CENPE: variants seen among roughly 807,000 people sequenced by gnomAD.
CENPE encodes centromere-associated protein E.
A neutral mutation model predicts 336.1 loss-of-function variants in CENPE; 145 were observed. The observed-to-expected ratio is 0.43, with a 90% CI of 0.38 to 0.50. CENPE has a LOEUF of 0.50. Among genes scored for constraint, CENPE ranks in the 20% least tolerant of loss-of-function variants. The pLI is 0.00. For missense variants in CENPE, 2,719 were observed against 3,023.3 expected, an observed-to-expected ratio of 0.90 and a Z score of 2.36; for synonymous variants, 1,013 against 984.8, an observed-to-expected ratio of 1.03 and a Z score of -0.54.
rs539160667 is a variant in CENPE at position 103,141,158 on chromosome 4, A to G, written c.5464-54T>C. On this transcript the variant is annotated intron_variant, in intron 35 of 48. Coordinates refer to ENST00000265148, the MANE Select transcript of CENPE (RefSeq NM_001813.3). ...GGTGGCTTTTTAGGGACAGATAAAT[A>G]ATAGTTTCTAAATTGATTAAGACAA... 55 of 1,020,300 alleles carry G rather than the reference A, an allele frequency of 5.4e-5. No individual in the cohort carries two copies. The South Asian group carries it at 8.6e-4, about 16-fold the overall frequency. 63.2% of individuals were successfully genotyped at this position (1,020,300 alleles called of 1,614,324 possible). A position where few individuals can be genotyped will look rare whatever the true frequency, so the allele number is the denominator to read the frequency against.
At chr4:103,171,313 A>G (rs983449172) in intron 16 of CENPE, among the ~76,000 whole-genome samples, 72 of 152,166 alleles carry the variant, frequency 4.7e-4, no homozygotes, top group African/African-American at 1.6e-3. Context: ...TCAAAATTAT[A>G]TCAAGTATCT....
At chr4:103,120,808 T>C (rs1750560762) in intron 43 of CENPE, among the ~76,000 whole-genome samples, 1 of 152,100 alleles carries the variant, frequency 6.6e-6, no homozygotes, top group African/African-American at 2.4e-5. Context: ...CAATCTCGAC[T>C]CACTGCAACC....
chr4:103,149,364 T>C lies in CENPE; in HGVS notation c.3441A>G (p.Gln1147=), dbSNP rs1459160095. 1 of 1,594,560 alleles carries C rather than the reference T, an allele frequency of 6.3e-7. No homozygotes were observed. Among genetic ancestry groups the C allele is most frequent in the South Asian group, 1.2e-5 (1 of 86,596 alleles). Residue 1147 remains glutamine (Q), a synonymous_variant, in exon 27 of 49, where the codon CAA becomes CAG. Transcript: ENST00000265148. The part of the protein sequence containing the change: ...QEKQQQLLNV[Q]EEMSEMQKKI... The stretch of plus-strand genomic sequence containing the variant: ...TTTTCTGCATCTCACTCATCTCTTC[T>C]TGTACATTAAGAAGTTGTTGCTGTT...
chr4:103,194,123 C>T (rs1757567496), intron 8 of CENPE, 106 bp downstream of exon 8: 1 of 767,946 alleles, frequency 1.3e-6, no homozygotes, highest in Non-Finnish European at 2.1e-6. Flanking sequence ...AGATTTCCTC[C>T]CACATTTAGT....
At position 103,140,029 on chromosome 4, in the gene CENPE, ATCT is replaced by A. The variant is rs1421322879; in HGVS notation, c.5961_5963del (p.Glu1987del). On this transcript the variant is annotated inframe_deletion, in exon 38 of 49. Transcript: ENST00000265148. ...TAATTTTTTTATGACTCATATTGAC[ATCT>A]TCTTTCACTCTAAGCAGTTGAAGTT... 21 of 1,612,150 alleles carry A rather than the reference ATCT, an allele frequency of 1.3e-5. No individual in the cohort carries two copies. Among genetic ancestry groups the A allele is most frequent in the African/African-American group, 2.7e-5 (2 of 74,896 alleles).
rs1023130707 is a variant in CENPE, at chr4:103,161,517, T to C, written c.1843-60A>G. On this transcript the variant is annotated intron_variant, in intron 18 of 48. Coordinates refer to ENST00000265148, the MANE Select transcript of CENPE (RefSeq NM_001813.3). ...AATTTTCACAGAGTTGGAAAATTCT[T>C]AAGAGAACATGTATATAAATGTTAA... The C allele has an allele frequency of 4.7e-6, 7 of 1,475,246 alleles. No individual in the cohort carries two copies. In the African/African-American group the frequency reaches 9.9e-5, roughly 21 times the overall value. The allele number at this position is 1,475,246 out of a possible 1,614,324, so 91.4% of individuals were successfully genotyped here.
intron 46 of CENPE, among the ~76,000 whole-genome samples, chr4:103,113,149 TAAGTGTATATATACTTATAAGTATATAA>T (rs1749703915): frequency 1.7e-5 from 1 of 59,836 alleles, no homozygotes; most frequent in African/African-American, 5.7e-5. Flanking sequence ...TATAAGTATA[TAAGTGTATATATACTTATAAGTATATAA>T]GTGTATATAT....
intron 44 of CENPE, among the ~76,000 whole-genome samples, chr4:103,119,191 A>G (rs1750395139): frequency 1.3e-5 from 2 of 152,124 alleles, no homozygotes; most frequent in African/African-American, 2.4e-5. Flanking sequence ...ACATATATAA[A>G]AATATACCTT....
chr4:103,196,245 G>C lies in CENPE; in HGVS notation c.156C>G (p.Val52=), dbSNP rs368785694. ...DGSKSFNFDR[V]FHGNETTKNV... ...TTTTGGTAGTTTCATTACCATGAAA[G>C]ACACGATCTAAACAACAACAACAAC... Residue 52 remains valine (V), a synonymous_variant, in exon 3 of 49, where the codon GTC becomes GTG. Transcript: ENST00000265148. The C allele has an allele frequency of 5.2e-5, 83 of 1,606,970 alleles. 1 individual carries two copies. The Middle Eastern group carries it at 6.6e-4, about 13-fold the overall frequency.
At position 103,145,930 on chromosome 4, in the gene CENPE, T is replaced by C; in HGVS notation, c.4312A>G (p.Lys1438Glu). Reference sequence around the variant, plus strand: ...TCATCTTTCTCCTTAGCTACAGATTTCATTTCATCATGACTTTCTTGAAGT... The same window carrying C: ...TCATCTTTCTCCTTAGCTACAGATTCCATTTCATCATGACTTTCTTGAAGT... ...KRLQESHDEM[K>E]SVAKEKDDLQ... is the part of the protein sequence containing the mutation. The change falls in exon 30 of 49, where the codon AAA becomes GAA. Residue 1438 changes from lysine to glutamate, a missense_variant. Lys to Glu is a moderately conservative substitution (Grantham distance 56, BLOSUM62 1). Coordinates refer to ENST00000265148, the MANE Select transcript of CENPE (RefSeq NM_001813.3). 6.2e-7 allele frequency: 1 copy of C among 1,613,986 alleles called. No homozygotes were observed. The highest frequency in any genetic ancestry group is 1.3e-5 in the African/African-American group (1 of 75,056).
chr4:103,127,391 A>T (rs1205292663), intron 42 of CENPE, among the ~76,000 whole-genome samples: 1 of 152,150 alleles, frequency 6.6e-6, no homozygotes, highest in Non-Finnish European at 1.5e-5. Context: ...ACTTTCTGAG[A>T]CAAACAAAAA....
rs1334811001 is a variant in CENPE, at chr4:103,149,196, T to G, written c.3609A>C (p.Lys1203Asn). Residue 1203 changes from lysine (K) to asparagine (N), a missense_variant, in exon 27 of 49, where the codon AAA becomes AAC. By Grantham distance (94) the Lys-to-Asn change is moderately conservative. This residue lies in a region of CENPE where 2,437 missense variants were observed against 2,513.3 expected (regional missense o/e 0.97). Transcript: ENST00000265148. ...ATGACTTCTGTAATTCCTTTAGAACTTTTCTTTCTTTGGTTATAGATTTCA... is the reference window on the plus strand; with the variant it reads ...ATGACTTCTGTAATTCCTTTAGAACGTTTCTTTCTTTGGTTATAGATTTCA... ...EEVKSITKER[K>N]VLKELQKSFE... is the part of the protein sequence containing the mutation. The G allele has an allele frequency of 6.2e-7, 1 of 1,611,998 alleles. No individual in the cohort carries two copies. The highest frequency in any genetic ancestry group is 8.5e-7 in the Non-Finnish European group (1 of 1,179,632).
At position 103,144,580 on chromosome 4, in the gene CENPE, C is replaced by T. The variant is rs780058734; in HGVS notation, c.4896G>A (p.Lys1632=). 6.2e-7 allele frequency: 1 copy of T among 1,611,376 alleles called. No homozygotes were observed. Among genetic ancestry groups the T allele is most frequent in the East Asian group, 2.2e-5 (1 of 44,836 alleles). ...CCTGAGTCTCATTGACAGCTGTCAT[C>T]TTAAGAAACTGATATTCTTTTTCTT... The part of the protein sequence containing the change: ...ESQEKEYQFL[K]MTAVNETQEK... Residue 1632 remains lysine (K), a synonymous_variant, in exon 33 of 49, where the codon AAG becomes AAA. Coordinates refer to ENST00000265148, the MANE Select transcript of CENPE (RefSeq NM_001813.3).
At chr4:103,120,059 G>A in intron 44 of CENPE, 89 bp downstream of exon 44, 1 of 904,622 alleles carries the variant, frequency 1.1e-6, no homozygotes. Context: ...TGTTGTGAGA[G>A]GGAAGAATAG....
At position 103,198,308 on chromosome 4, in the gene CENPE, T is replaced by C; in HGVS notation, c.12A>G (p.Glu4=). The change falls in exon 1 of 49, where the codon GAA becomes GAG. Residue 4 remains glutamate, a synonymous_variant. Coordinates refer to ENST00000265148, the MANE Select transcript of CENPE (RefSeq NM_001813.3). ...CTCGCACGCAGACGGCCACGGCTCC[T>C]TCCTCCGCCATCCTATCAGGCTGAA... is the stretch of plus-strand genomic sequence containing the variant. MAE[E]GAVAVCVRVR... is the part of the protein sequence containing the mutation. 6.4e-7 allele frequency: 1 copy of C among 1,551,200 alleles called. No individual in the cohort carries two copies. Among genetic ancestry groups the C allele is most frequent in the South Asian group, 1.2e-5 (1 of 84,062 alleles).
intron 15 of CENPE, among the ~76,000 whole-genome samples, 178 bp downstream of exon 15, chr4:103,175,782 G>A (rs1266659928): frequency 6.6e-6 from 1 of 152,132 alleles, no homozygotes; most frequent in Non-Finnish European, 1.5e-5. Flanking sequence ...TCTGCCTTAT[G>A]AAATTTTTAG....
intron 12 of CENPE, among the ~76,000 whole-genome samples, chr4:103,180,894 C>G (rs1183421054): frequency 6.6e-6 from 1 of 151,994 alleles, no homozygotes; most frequent in African/African-American, 2.4e-5. Flanking sequence ...AATATGGGAC[C>G]ATGATGGTTA....
In CENPE at chr4:103,136,471, G is replaced by C. The variant is rs909664380; in HGVS notation, c.6304-112C>G. 1.4e-5 allele frequency: 9 copies of C among 653,112 alleles called. No individual in the cohort carries two copies. The South Asian group carries it at 1.7e-4, about 12-fold the overall frequency. The allele number at this position is 653,112 out of a possible 1,614,324, so 40.5% of individuals were successfully genotyped here. On this transcript the variant is annotated intron_variant, in intron 39 of 48. Coordinates refer to ENST00000265148, the MANE Select transcript of CENPE (RefSeq NM_001813.3). ...TTATGCTTTAACATTTTCTGTAGGAGAGAAATAAAGACCTTTGTGTCTAAA... is the reference window on the plus strand; with the variant it reads ...TTATGCTTTAACATTTTCTGTAGGACAGAAATAAAGACCTTTGTGTCTAAA...
At chr4:103,138,886 T>C (rs1752301278) in intron 38 of CENPE, among the ~76,000 whole-genome samples, 2 of 152,086 alleles carry the variant, frequency 1.3e-5, no homozygotes, top group Non-Finnish European at 2.9e-5. Flanking sequence ...AACAAATAAA[T>C]TAGATTTTAA....
Sources: gnomAD v4.1 joint callset for allele counts (sites outside exome capture counted in the v4.1 genomes callset) on GRCh38, gnomAD v4.1.1 for gene constraint, gnomAD v4.1.1 regional missense constraint, MANE v1.5 for transcripts, NCBI Gene and HGNC (gene_info 2026-07-23, HGNC 2026-07-21) for gene names.